SNX14: variants seen among roughly 807,000 people sequenced by gnomAD.
The protein encoded by SNX14 is sorting nexin 14.
Under a neutral mutation model 133.8 loss-of-function variants are expected in SNX14, and 93 were observed. The ratio of observed to expected loss-of-function variants is 0.70; its 90% CI spans 0.59 to 0.83. The LOEUF (loss-of-function observed/expected upper bound fraction) is 0.83. SNX14 is among the 40% of genes least tolerant of loss of function. SNX14 has a pLI of 0.00. For missense variants in SNX14, 945 were observed against 1,094.9 expected, an observed-to-expected ratio of 0.86 and a Z score of 1.93; for synonymous variants, 368 against 365.6, an observed-to-expected ratio of 1.01 and a Z score of -0.07.
At chr6:85,569,865 A>C (rs1477819303) in intron 4 of SNX14, among the ~76,000 whole-genome samples, 1 of 152,180 alleles carries the variant, frequency 6.6e-6, no homozygotes, top group East Asian at 1.9e-4. Flanking sequence ...AGCTACTAGA[A>C]TATTGTTTCC....
At chr6:85,515,708 G>A (rs983663251) in intron 23 of SNX14, among the ~76,000 whole-genome samples, 8 of 151,976 alleles carry the variant, frequency 5.3e-5, no homozygotes, top group African/African-American at 1.9e-4. Flanking sequence ...CAAAAAATAG[G>A]AAAAGGGCTC....
chr6:85,512,035 C>A (rs946773452), intron 26 of SNX14, among the ~76,000 whole-genome samples: 4 of 152,052 alleles, frequency 2.6e-5, no homozygotes, highest in Non-Finnish European at 4.4e-5. Flanking sequence ...CTTCTCAGGC[C>A]CCCCTGACCC....
chr6:85,532,273 T>A lies in SNX14; in HGVS notation c.1810+1326A>T, dbSNP rs1320604983. Among the ~76,000 whole-genome samples the A allele has an allele frequency of 2.0e-5, 3 of 152,212 alleles. No homozygotes were observed. In the East Asian group the frequency reaches 5.8e-4, roughly 29 times the overall value. Reference sequence around the variant, plus strand: ...TGGTTTAGCTGTCCACCTGTCAGAATGCTGAAAGAACAGCAACTACTAAGA... The same window carrying A: ...TGGTTTAGCTGTCCACCTGTCAGAAAGCTGAAAGAACAGCAACTACTAAGA... On this transcript the variant is annotated intron_variant, in intron 18 of 28. Coordinates refer to ENST00000314673, the MANE Select transcript of SNX14 (RefSeq NM_153816.6).
At chr6:85,561,961 A>C (rs1256854015) in intron 6 of SNX14, among the ~76,000 whole-genome samples, 3 of 152,102 alleles carry the variant, frequency 2.0e-5, no homozygotes, top group African/African-American at 7.2e-5. Context: ...TAATGAGCAC[A>C]GTACCCATAA....
chr6:85,565,479 C>T (rs1793518781), intron 5 of SNX14, 60 bp from the exon 6 acceptor site: 2 of 1,285,364 alleles, frequency 1.6e-6, no homozygotes, highest in South Asian at 1.4e-5. Context: ...TCACCTTCTA[C>T]AATCCAAGGG....
intron 9 of SNX14, among the ~76,000 whole-genome samples, chr6:85,547,943 T>C (rs1786271187): frequency 6.6e-6 from 1 of 152,172 alleles, no homozygotes; most frequent in Admixed American, 6.5e-5. Context: ...TGACACATGC[T>C]ACAACATGGA....
chr6:85,522,597 TCTACTA>T (rs1291050316), intron 21 of SNX14, among the ~76,000 whole-genome samples: 1 of 152,194 alleles, frequency 6.6e-6, no homozygotes, highest in Non-Finnish European at 1.5e-5. Context: ...ATACACATAC[TCTACTA>T]GGTTTATTCC....
At chr6:85,588,486 A>T (rs1360806599) in intron 1 of SNX14, among the ~76,000 whole-genome samples, 1 of 152,128 alleles carries the variant, frequency 6.6e-6, no homozygotes, top group Non-Finnish European at 1.5e-5. Context: ...CTGAGGCAGG[A>T]GAATGGCATG....
intron 1 of SNX14, among the ~76,000 whole-genome samples, chr6:85,582,207 T>C (rs998576363): frequency 6.6e-6 from 1 of 152,104 alleles, no homozygotes; most frequent in African/African-American, 2.4e-5. Flanking sequence ...GTGCATGACA[T>C]ATTTAAAGCG....
intron 15 of SNX14, among the ~76,000 whole-genome samples, chr6:85,541,527 G>T (rs887414904): frequency 1.3e-5 from 2 of 152,048 alleles, no homozygotes; most frequent in Non-Finnish European, 2.9e-5. Context: ...AATGGATAAA[G>T]ATTTTCTCTT....
At chr6:85,520,504 C>T (rs921474664) in intron 21 of SNX14, among the ~76,000 whole-genome samples, 7 of 151,646 alleles carry the variant, frequency 4.6e-5, no homozygotes, top group African/African-American at 1.7e-4. Context: ...ACTACAGGCG[C>T]CCACCACCAT....
At chr6:85,530,061 A>G in intron 19 of SNX14, 131 bp downstream of exon 19, 1 of 543,908 alleles carries the variant, frequency 1.8e-6, no homozygotes, top group Non-Finnish European at 3.2e-6. Flanking sequence ...TTATCAATGA[A>G]AGTATACACA....
chr6:85,580,335 C>T (rs1424812975), intron 1 of SNX14, among the ~76,000 whole-genome samples: 1 of 152,146 alleles, frequency 6.6e-6, no homozygotes, highest in African/African-American at 2.4e-5. Flanking sequence ...AAAACAGCAG[C>T]AGTAACCAGG....
At chr6:85,512,738 T>A (rs530836236) in intron 26 of SNX14, among the ~76,000 whole-genome samples, 2 of 152,264 alleles carry the variant, frequency 1.3e-5, no homozygotes, top group African/African-American at 4.8e-5. Flanking sequence ...ATAGTTCAGG[T>A]TTCCCTAGCT....
chr6:85,508,135 T>C, intron 26 of SNX14, 76 bp from the exon 27 acceptor site: 1 of 1,512,178 alleles, frequency 6.6e-7, no homozygotes, highest in African/African-American at 1.4e-5. Flanking sequence ...TAAAGCAAAA[T>C]CACCACCCTG....
At position 85,593,625 on chromosome 6, in the gene SNX14, A is replaced by T. The variant is rs368530600; in HGVS notation, c.94T>A (p.Cys32Ser). The T allele has an allele frequency of 3.8e-5, 61 of 1,613,468 alleles. No individual in the cohort carries two copies. The highest frequency in any genetic ancestry group is 5.0e-5 in the Non-Finnish European group (59 of 1,179,920). ...REICRQYPLFCFLLLCLSAAS... is the reference protein window; with the variant it reads ...REICRQYPLFSFLLLCLSAAS... ...GCGCTGAGACAGAGCAGCAGGAAGCAGAACAGCGGGTACTGGCGGCAGATC... is the reference window on the plus strand; with the variant it reads ...GCGCTGAGACAGAGCAGCAGGAAGCTGAACAGCGGGTACTGGCGGCAGATC... Residue 32 changes from cysteine (C) to serine (S), a missense_variant, in exon 1 of 29, where the codon TGC becomes AGC. Physicochemically the swap from Cys to Ser is moderately radical, Grantham distance 112 (BLOSUM62 -1). This residue lies in a region of SNX14 where 514 missense variants were observed against 538.8 expected (regional missense o/e 0.95). Transcript: ENST00000314673.
intron 4 of SNX14, among the ~76,000 whole-genome samples, chr6:85,569,927 C>T (rs1031218388): frequency 6.6e-6 from 1 of 152,134 alleles, no homozygotes; most frequent in Non-Finnish European, 1.5e-5. Flanking sequence ...CTGAACATCC[C>T]ACCTTGTTTC....
intron 11 of SNX14, 22 bp downstream of exon 11, chr6:85,547,295 T>TTAA: frequency 1.9e-6 from 3 of 1,612,142 alleles, no homozygotes; most frequent in Non-Finnish European, 2.5e-6. Flanking sequence ...ATCAAAAAGG[T>TTAA]GTTATTGCTG....
Position 85,541,611 on chromosome 6 carries a change from C to T in SNX14, c.1448+374G>A, listed in dbSNP as rs144279267. Among the ~76,000 whole-genome samples, 202 of 152,192 alleles carry T rather than the reference C, an allele frequency of 1.3e-3. No homozygotes were observed. The Middle Eastern group carries it at 0.017, about 13-fold the overall frequency. ...CCAAAAAAAAGAAAGAAATAAACAT[C>T]CCTCCACTTTTGTACCCAGTAAGCA... On this transcript the variant is annotated intron_variant, in intron 15 of 28. Coordinates refer to ENST00000314673, the MANE Select transcript of SNX14 (RefSeq NM_153816.6).
Sources: allele counts gnomAD v4.1 joint callset (sites outside exome capture counted in the v4.1 genomes callset), GRCh38; gene constraint gnomAD v4.1.1; regional missense constraint gnomAD v4.1.1; transcripts MANE v1.5; gene names NCBI Gene and HGNC (gene_info 2026-07-23, HGNC 2026-07-21).